VPS37A: variants seen among roughly 807,000 people sequenced by gnomAD.
VPS37A encodes the protein vacuolar protein sorting-associated protein 37A.
Under a neutral mutation model 49.8 loss-of-function variants are expected in VPS37A, and 30 were observed. That is an observed-to-expected ratio of 0.60 (90% CI 0.45 to 0.82). VPS37A has a LOEUF of 0.82. Ranked by LOEUF, VPS37A falls within the 40% of genes least tolerant of loss-of-function variation. VPS37A has a pLI of 0.00. For synonymous variants in VPS37A, 195 were observed against 160.6 expected (o/e 1.21, Z -1.62); for missense variants, 593 against 464.4 (o/e 1.28, Z -2.55).
downstream of VPS37A, among the ~76,000 whole-genome samples, chr8:17,305,377 C>A (rs143822973): frequency 7.5e-4 from 114 of 152,244 alleles, 1 homozygote; most frequent in African/African-American, 2.7e-3. Context: ...TAAATTCTGG[C>A]TTTTATATTT....
intron 2 of VPS37A, among the ~76,000 whole-genome samples, chr8:17,267,852 A>G (rs944167083): frequency 3.2e-4 from 48 of 152,100 alleles, no homozygotes; most frequent in African/African-American, 1.1e-3. Context: ...AAGTAGAAAA[A>G]CCACAGAAAA....
At chr8:17,271,476 G>C (rs766760563) in intron 4 of VPS37A, among the ~76,000 whole-genome samples, 3 of 152,038 alleles carry the variant, frequency 2.0e-5, no homozygotes, top group Non-Finnish European at 2.9e-5. Flanking sequence ...CATGGTGGTG[G>C]GCACCTGTAG....
chr8:17,247,338 C>T lies in VPS37A; in HGVS notation c.94C>T (p.Leu32=). The T allele has an allele frequency of 1.3e-6, 2 of 1,523,800 alleles. No homozygotes were observed. Among genetic ancestry groups the T allele is most frequent in the Non-Finnish European group, 1.8e-6 (2 of 1,130,766 alleles). 94.4% of individuals were successfully genotyped at this position (1,523,800 alleles called of 1,614,324 possible). A position where few individuals can be genotyped will look rare whatever the true frequency, so the allele number is the denominator to read the frequency against. ...LTSLQQQKQR[L]IESLRNSHSS... is the part of the protein sequence containing the mutation. ...CAGCCTCCAGCAGCAGAAGCAGCGC[C>T]TGATCGAGTCCCTCCGGAACTCACA... Residue 32 remains leucine, a synonymous_variant, in exon 1 of 12, where the codon CTG becomes TTG. Transcript: ENST00000324849.
chr8:17,299,082 C>G (rs1438477351), downstream of VPS37A: 2 of 152,076 alleles, frequency 1.3e-5, no homozygotes, highest in Non-Finnish European at 2.9e-5. Context: ...GTCTCTAGAA[C>G]AGTAATAAAA....
downstream of VPS37A, chr8:17,302,462 T>TA: frequency 1.8e-6 from 1 of 570,912 alleles, no homozygotes; most frequent in Non-Finnish European, 2.9e-6. Flanking sequence ...CTTGGGTCAG[T>TA]AAATGCCTTT....
At position 17,287,613 on chromosome 8, in the gene VPS37A, C is replaced by T. The variant is rs575135479; in HGVS notation, c.*1186C>T. On this transcript the variant is annotated intron_variant, in intron 11 of 11. Transcript: ENST00000324849. ...GAATGGCATGAACCTGGGAGGCAGA[C>T]CTTGCAGTGAGCCGAGATCACGCCA... Among the ~76,000 whole-genome samples the T allele has an allele frequency of 3.9e-5, 6 of 151,966 alleles. 1 individual carries two copies. The South Asian group carries it at 1.0e-3, about 26-fold the overall frequency.
At chr8:17,272,883 T>G (rs1814132798) in intron 4 of VPS37A, among the ~76,000 whole-genome samples, 1 of 152,098 alleles carries the variant, frequency 6.6e-6, no homozygotes, top group Non-Finnish European at 1.5e-5. Flanking sequence ...CTTAATTTTT[T>G]TTCCTCATTA....
rs1816667285 is a variant in VPS37A at position 17,296,709 on chromosome 8, T to G, written c.*1723T>G. ...ACAAAGATAAACATTGTTTAGATGC[T>G]TATCTACTTTCCTTTTCACCAGAAA... On this transcript the variant is annotated 3_prime_UTR_variant, in exon 12 of 12. Coordinates refer to ENST00000324849, the MANE Select transcript of VPS37A (RefSeq NM_152415.3). The G allele has an allele frequency of 6.6e-6, 1 of 152,180 alleles. No homozygotes were observed. Among genetic ancestry groups the G allele is most frequent in the African/African-American group, 2.4e-5 (1 of 41,448 alleles). 9.4% of individuals were successfully genotyped at this position (152,180 alleles called of 1,614,324 possible). A position where few individuals can be genotyped will look rare whatever the true frequency, so the allele number is the denominator to read the frequency against.
At chr8:17,264,779 C>T (rs1383935988) in intron 1 of VPS37A, among the ~76,000 whole-genome samples, 1 of 152,158 alleles carries the variant, frequency 6.6e-6, no homozygotes, top group Non-Finnish European at 1.5e-5. Context: ...CAATATTAAG[C>T]TTCCTCTGCA....
At chr8:17,250,856 T>G (rs2904703) in intron 1 of VPS37A, among the ~76,000 whole-genome samples, 143,792 of 152,234 alleles carry the variant, frequency 0.94, 68,416 homozygotes, top group Non-Finnish European at 1. Context: ...TAGATGACAC[T>G]CACAGAAAAG....
chr8:17,255,164 T>C (rs1239311651), intron 1 of VPS37A, among the ~76,000 whole-genome samples: 3 of 152,174 alleles, frequency 2.0e-5, no homozygotes, highest in African/African-American at 7.2e-5. Flanking sequence ...AAACTAAATA[T>C]AAACATAAAT....
At chr8:17,287,717 TATTCCTG>T (rs1815745153) in intron 11 of VPS37A, among the ~76,000 whole-genome samples, 2 of 151,974 alleles carry the variant, frequency 1.3e-5, no homozygotes, top group African/African-American at 4.8e-5. Flanking sequence ...GCCCTTCACG[TATTCCTG>T]ATTATATCAT....
At chr8:17,304,443 C>T (rs1487331165), downstream of VPS37A, 2 of 1,614,110 alleles carry the variant, frequency 1.2e-6, no homozygotes, top group Non-Finnish European at 1.7e-6. Flanking sequence ...CTGTGATCAG[C>T]TCTAAACAGA....
the VPS37A span, among the ~76,000 whole-genome samples, chr8:17,318,505 C>T: frequency 2.0e-5 from 3 of 152,250 alleles, no homozygotes; most frequent in East Asian, 3.9e-4. Context: ...GGAGGATGGA[C>T]GGCTCCCACA....
chr8:17,312,307 G>C, the VPS37A span, among the ~76,000 whole-genome samples: 15 of 152,142 alleles, frequency 9.9e-5, no homozygotes, highest in African/African-American at 3.4e-4. Context: ...GGAGGCAGTG[G>C]CTCACGCATG....
intron 9 of VPS37A, among the ~76,000 whole-genome samples, chr8:17,282,389 C>T (rs73666104): frequency 6.6e-6 from 1 of 152,012 alleles, no homozygotes. Context: ...AACCATAAAA[C>T]GTCAACTAGC....
intron 6 of VPS37A, among the ~76,000 whole-genome samples, chr8:17,279,210 T>G (rs187835500): frequency 4.6e-5 from 7 of 152,154 alleles, no homozygotes; most frequent in Non-Finnish European, 7.4e-5. Flanking sequence ...ACTGACATTA[T>G]ACACTAGCAG....
intron 4 of VPS37A, among the ~76,000 whole-genome samples, chr8:17,269,389 G>C (rs1813775451): frequency 6.6e-6 from 1 of 151,936 alleles, no homozygotes; most frequent in South Asian, 2.1e-4. Context: ...TTCCCTTATG[G>C]TGCAATTTTT....
At chr8:17,251,283 G>T (rs1316915830) in intron 1 of VPS37A, among the ~76,000 whole-genome samples, 1 of 152,180 alleles carries the variant, frequency 6.6e-6, no homozygotes, top group East Asian at 1.9e-4. Flanking sequence ...AGTAACAAAT[G>T]ACTGGGAGGA....
Sources: allele counts gnomAD v4.1 joint callset (sites outside exome capture counted in the v4.1 genomes callset), GRCh38; gene constraint gnomAD v4.1.1; transcripts MANE v1.5; gene names NCBI Gene and HGNC (gene_info 2026-07-23, HGNC 2026-07-21).